The following ADA variants were observed in gnomAD, a reference collection of about 807,000 sequenced individuals.
ADA encodes adenosine deaminase.
Under a neutral mutation model 49.0 loss-of-function variants are expected in ADA, and 45 were observed. The ratio of observed to expected loss-of-function variants is 0.92; its 90% CI spans 0.72 to 1.18. The LOEUF is 1.18. Among genes scored for constraint, ADA ranks in the 50% most tolerant of loss-of-function variants. The probability of loss-of-function intolerance (pLI) is 0.00; values close to 1 mark genes in which losing one functional copy is unlikely to be tolerated. For synonymous variants in ADA, 173 were observed against 184.2 expected (o/e 0.94, Z 0.49); for missense variants, 445 against 472.5 (o/e 0.94, Z 0.54).
At chr20:44,622,952 C>A in intron 7 of ADA, 22 bp from the exon 8 acceptor site, 1 of 1,614,228 alleles carries the variant, frequency 6.2e-7, no homozygotes, top group South Asian at 1.1e-5. Context: ...CAGAATAGAG[C>A]CAAGTATGGG....
At chr20:44,635,417 C>A (rs558847728) in intron 2 of ADA, among the ~76,000 whole-genome samples, 6 of 152,286 alleles carry the variant, frequency 3.9e-5, no homozygotes, top group Non-Finnish European at 5.9e-5. Context: ...ATTTGTGTGA[C>A]CGTGGACAAC....
intron 11 of ADA, 89 bp downstream of exon 11, chr20:44,620,210 A>G (rs2065315177): frequency 8.6e-7 from 1 of 1,168,098 alleles, no homozygotes; most frequent in Admixed American, 1.7e-5. Context: ...GCTGCCCAAG[A>G]ATGGAAGGGC....
At chr20:44,636,017 G>A (rs182416641) in intron 2 of ADA, 106 of 595,022 alleles carry the variant, frequency 1.8e-4, no homozygotes, top group African/African-American at 1.6e-3. Context: ...AGACTCAGAG[G>A]CCCAGAAAGC....
chr20:44,633,820 G>A (rs1202180600), intron 2 of ADA, among the ~76,000 whole-genome samples: 1 of 152,260 alleles, frequency 6.6e-6, no homozygotes, highest in Admixed American at 6.5e-5. Context: ...AATGGGTGAG[G>A]ACAGTTAATG....
Position 44,624,255 on chromosome 20 carries a change from C to G in ADA, c.553G>C (p.Asp185His). The G allele has an allele frequency of 6.2e-7, 1 of 1,614,046 alleles. No individual in the cohort carries two copies. Among genetic ancestry groups the G allele is most frequent in the Non-Finnish European group, 8.5e-7 (1 of 1,179,968 alleles). The change falls in exon 6 of 12, where the codon GAT (aspartate) becomes CAT (histidine). Residue 185 changes from aspartate to histidine, a missense_variant. Coordinates refer to ENST00000372874, the MANE Select transcript of ADA (RefSeq NM_000022.4). ...AGGCTGCTTCCTGGGATGGTCTCATCTCCAGCCAGGTCAATGGCTACCACG... is the reference window on the plus strand; with the variant it reads ...AGGCTGCTTCCTGGGATGGTCTCATGTCCAGCCAGGTCAATGGCTACCACG... ...QTVVAIDLAG[D>H]ETIPGSSLLP... is the part of the protein sequence containing the mutation.
rs567617391 is a variant in ADA at position 44,646,607 on chromosome 20, C to G, written c.33+4968G>C. 2.6e-5 allele frequency among the ~76,000 whole-genome samples: 4 copies of G among 152,062 alleles called. No individual in the cohort carries two copies. The South Asian group carries it at 8.3e-4, about 32-fold the overall frequency. Reference sequence around the variant, plus strand: ...AAAAACCAATCAGCATGTCAGTTTCCCCAAGAACCCCAAGATCTTGGTTTT... The same window carrying G: ...AAAAACCAATCAGCATGTCAGTTTCGCCAAGAACCCCAAGATCTTGGTTTT... On this transcript the variant is annotated intron_variant, in intron 1 of 11. Coordinates refer to ENST00000372874, the MANE Select transcript of ADA (RefSeq NM_000022.4).
At chr20:44,642,510 T>G (rs1020886314) in intron 1 of ADA, among the ~76,000 whole-genome samples, 1 of 152,160 alleles carries the variant, frequency 6.6e-6, no homozygotes, top group Non-Finnish European at 1.5e-5. Flanking sequence ...GCAGGGGAGC[T>G]GCGTGTGCTT....
intron 5 of ADA, among the ~76,000 whole-genome samples, chr20:44,625,041 G>C (rs1468502463): frequency 2.0e-5 from 3 of 152,242 alleles, no homozygotes; most frequent in Non-Finnish European, 2.9e-5. Flanking sequence ...AAGTAAGTGT[G>C]ATCATCTCCT....
intron 1 of ADA, among the ~76,000 whole-genome samples, chr20:44,638,179 G>A (rs1428067111): frequency 6.6e-6 from 1 of 152,236 alleles, no homozygotes; most frequent in East Asian, 1.9e-4. Context: ...CATCTGTTAA[G>A]TGGGGAGAAT....
chr20:44,638,544 T>C (rs1296634093), intron 1 of ADA, among the ~76,000 whole-genome samples: 3 of 152,068 alleles, frequency 2.0e-5, no homozygotes, highest in Non-Finnish European at 4.4e-5. Context: ...GCCACTGCAC[T>C]CCAGCCTGGG....
intron 6 of ADA, chr20:44,623,955 C>T (rs1337829936): frequency 1.9e-6 from 1 of 518,182 alleles, no homozygotes; most frequent in East Asian, 5.1e-5. Flanking sequence ...CTATGTTGCC[C>T]TGGCTGGTCT....
At position 44,651,181 on chromosome 20, in the gene ADA, C is replaced by T. The variant is rs565039206; in HGVS notation, c.33+394G>A. Among the ~76,000 whole-genome samples, 41 of 152,332 alleles carry T rather than the reference C, an allele frequency of 2.7e-4. No homozygotes were observed. The Middle Eastern group carries it at 0.01, about 38-fold the overall frequency. On this transcript the variant is annotated intron_variant, in intron 1 of 11. Coordinates refer to ENST00000372874, the MANE Select transcript of ADA (RefSeq NM_000022.4). ...CAAAGCTGCTTCCATTCACTGAGCA[C>T]TCAGTAGGCGCCGGGCACAGCACTA... is the stretch of plus-strand genomic sequence containing the variant.
chr20:44,643,505 C>T (rs2065557463), intron 1 of ADA, among the ~76,000 whole-genome samples: 2 of 152,216 alleles, frequency 1.3e-5, no homozygotes, highest in Non-Finnish European at 1.5e-5. Flanking sequence ...CATATCGGCC[C>T]ATGTTACAGA....
chr20:44,620,252 T>G (rs369968241), intron 11 of ADA, 47 bp downstream of exon 11: 4 of 1,530,180 alleles, frequency 2.6e-6, no homozygotes, highest in East Asian at 2.2e-5. Context: ...AAAGCCACAC[T>G]GGGGCCAGGA....
chr20:44,620,290 G>T lies in ADA; in HGVS notation c.1078+9C>A. ...GGGCAACTGCCCAGAAGCCCAGACA[G>T]GAACCTACCTGCAGAGGCTGAAGGT... On this transcript the variant is annotated intron_variant, in intron 11 of 11. Coordinates refer to ENST00000372874, the MANE Select transcript of ADA (RefSeq NM_000022.4). 2 of 1,613,146 alleles carry T rather than the reference G, an allele frequency of 1.2e-6. No homozygotes were observed. The highest frequency in any genetic ancestry group is 1.7e-6 in the Non-Finnish European group (2 of 1,179,342).
rs531747685 is a variant in ADA, at chr20:44,644,894, G to A, written c.33+6681C>T. Among the ~76,000 whole-genome samples, 5 of 152,328 alleles carry A rather than the reference G, an allele frequency of 3.3e-5. No homozygotes were observed. In the South Asian group the frequency reaches 6.2e-4, roughly 19 times the overall value. On this transcript the variant is annotated intron_variant, in intron 1 of 11. Transcript: ENST00000372874. ...TCTTCCACCTGGGGAAATTCCTGTG[G>A]AGCCACAGCATAGGGACTCAGCACA... is the stretch of plus-strand genomic sequence containing the variant.
chr20:44,635,959 G>A (rs2065476109), intron 2 of ADA: 3 of 520,872 alleles, frequency 5.8e-6, no homozygotes, highest in African/African-American at 3.8e-5. Context: ...TATGTGGGTG[G>A]GTGGGGAGAG....
rs1428296713 is a variant in ADA, at chr20:44,622,662, C to T, written c.781-10G>A. ...TGGACCAGGGGCAGATCTGGAAGAGCAGGTGTGTGGCTGGCAGGGATGGCC... is the reference window on the plus strand; with the variant it reads ...TGGACCAGGGGCAGATCTGGAAGAGTAGGTGTGTGGCTGGCAGGGATGGCC... On this transcript the variant is annotated splice_polypyrimidine_tract_variant and intron_variant, in intron 8 of 11. Transcript: ENST00000372874. 5.0e-6 allele frequency: 8 copies of T among 1,614,076 alleles called. No individual in the cohort carries two copies. Among genetic ancestry groups the T allele is most frequent in the East Asian group, 2.2e-5 (1 of 44,898 alleles).
chr20:44,636,519 A>G (rs1046520487), intron 1 of ADA, among the ~76,000 whole-genome samples: 8 of 152,152 alleles, frequency 5.3e-5, no homozygotes, highest in African/African-American at 1.4e-4. Context: ...CTCTTTCACA[A>G]TTGAGGACAC....
Sources: allele counts gnomAD v4.1 joint callset (sites outside exome capture counted in the v4.1 genomes callset), GRCh38; gene constraint gnomAD v4.1.1; transcripts MANE v1.5; gene names NCBI Gene and HGNC (gene_info 2026-07-23, HGNC 2026-07-21).